The following MRGBP variants were observed in gnomAD, a reference collection of about 807,000 sequenced individuals.
The protein encoded by MRGBP is MRG domain binding protein.
MRGBP carries 5 observed loss-of-function variants against 21.5 expected under a neutral mutation model. The observed-to-expected ratio is 0.23, with a 90% CI of 0.12 to 0.49. The LOEUF (loss-of-function observed/expected upper bound fraction) is 0.49, where lower values mean the gene tolerates loss of function less well. Among genes scored for constraint, MRGBP ranks in the 20% least tolerant of loss-of-function variants. MRGBP has a pLI of 0.98. For synonymous variants in MRGBP, 118 were observed against 104.4 expected (o/e 1.13, Z -0.79); for missense variants, 227 against 277.4 (o/e 0.82, Z 1.29).
At position 62,799,805 on chromosome 20, in the gene MRGBP, G is replaced by A. The variant is rs1418066150; in HGVS notation, c.*162G>A. On this transcript the variant is annotated 3_prime_UTR_variant, in exon 5 of 5. Transcript: ENST00000370487. ...CTCTCAGGTGAACGTGGCCGTCAGC[G>A]GGGAAACGTGTGTGTCAGTTGGACC... 16 of 734,282 alleles carry A rather than the reference G, an allele frequency of 2.2e-5. No homozygotes were observed. The highest frequency in any genetic ancestry group is 1.6e-4 in the East Asian group (6 of 36,688). The allele number at this position is 734,282 out of a possible 1,614,324, so 45.5% of individuals were successfully genotyped here.
At chr20:62,798,552 T>C in intron 2 of MRGBP, 35 bp from the exon 3 acceptor site, 1 of 1,582,658 alleles carries the variant, frequency 6.3e-7, no homozygotes, top group African/African-American at 1.3e-5. Context: ...ATCTTCACCC[T>C]TGTTTCTTAA....
Position 62,800,639 on chromosome 20 carries a change from C to A in MRGBP, c.*996C>A, listed in dbSNP as rs1057061665. On this transcript the variant is annotated 3_prime_UTR_variant, in exon 5 of 5. Coordinates refer to ENST00000370487, the MANE Select transcript of MRGBP (RefSeq NM_018270.6). The stretch of plus-strand genomic sequence containing the variant: ...ATACCAAAGTAAGTTCACTTTTCCT[C>A]CAAAAGGAAGTTTTTATTTTTCCAA... The A allele has an allele frequency of 6.6e-6, 1 of 152,188 alleles. No individual in the cohort carries two copies. The highest frequency in any genetic ancestry group is 1.5e-5 in the Non-Finnish European group (1 of 68,046). 9.4% of individuals were successfully genotyped at this position (152,188 alleles called of 1,614,324 possible).
rs75924758 is a variant in MRGBP, at chr20:62,800,058, T to G, written c.*415T>G. ...AAGCAATAAAAACATGACCTCACTC[T>G]TCCTCAAAGGAGCCCCTGGTCTTCC... On this transcript the variant is annotated 3_prime_UTR_variant, in exon 5 of 5. Transcript: ENST00000370487. 329 of 161,758 alleles carry G rather than the reference T, an allele frequency of 2.0e-3. 3 individuals are homozygous for G. In the East Asian group the frequency reaches 0.034, roughly 17 times the overall value. 10.0% of individuals were successfully genotyped at this position (161,758 alleles called of 1,614,324 possible). A position where few individuals can be genotyped will look rare whatever the true frequency, so the allele number is the denominator to read the frequency against.
At chr20:62,799,104 C>G (rs1022401287) in intron 4 of MRGBP, 55 bp downstream of exon 4, 68 of 1,548,956 alleles carry the variant, frequency 4.4e-5, no homozygotes, top group Non-Finnish European at 5.8e-5. Flanking sequence ...CACCCCAAGA[C>G]TGCCTTCAGG....
chr20:62,798,622 G>A lies in MRGBP; in HGVS notation c.306G>A (p.Glu102=), dbSNP rs1402056522. 6.2e-7 allele frequency: 1 copy of A among 1,613,802 alleles called. No individual in the cohort carries two copies. Among genetic ancestry groups the A allele is most frequent in the South Asian group, 1.1e-5 (1 of 91,068 alleles). Residue 102 remains glutamate (E), a synonymous_variant, in exon 3 of 5, where the codon GAG becomes GAA. Coordinates refer to ENST00000370487, the MANE Select transcript of MRGBP (RefSeq NM_018270.6). ...AGATTCTTCCATTCCCGAATCCAGA[G>A]AGGAACTTCGTCCTTCCAGAAGAGA... is the stretch of plus-strand genomic sequence containing the variant. ...ESEILPFPNP[E]RNFVLPEEII... is the part of the protein sequence containing the mutation.
In MRGBP at chr20:62,800,922, G is replaced by C. The variant is rs1294388094; in HGVS notation, c.*1279G>C. On this transcript the variant is annotated 3_prime_UTR_variant, in exon 5 of 5. Coordinates refer to ENST00000370487, the MANE Select transcript of MRGBP (RefSeq NM_018270.6). ...GAGTGAAATCCAGCGTTCCGTGTGCGGACGAGGAGACAAGCTGTCCTGGCC... is the reference window on the plus strand; with the variant it reads ...GAGTGAAATCCAGCGTTCCGTGTGCCGACGAGGAGACAAGCTGTCCTGGCC... 1 of 152,148 alleles carries C rather than the reference G, an allele frequency of 6.6e-6. No individual in the cohort carries two copies. The allele number at this position is 152,148 out of a possible 1,614,324, so 9.4% of individuals were successfully genotyped here.
Position 62,796,489 on chromosome 20 carries a change from C to A in MRGBP, c.-35C>A. 2 of 1,112,950 alleles carry A rather than the reference C, an allele frequency of 1.8e-6. No individual in the cohort carries two copies. Among genetic ancestry groups the A allele is most frequent in the South Asian group, 4.3e-5 (1 of 23,306 alleles). The allele number at this position is 1,112,950 out of a possible 1,614,324, so 68.9% of individuals were successfully genotyped here. On this transcript the variant is annotated 5_prime_UTR_variant, in exon 1 of 5. Transcript: ENST00000370487. The stretch of plus-strand genomic sequence containing the variant: ...GCGGAGCTCGTGGCCGCGCCTGCTC[C>A]CGCCGGGGGCTCCTTGCTCGGCCGG...
At position 62,799,735 on chromosome 20, in the gene MRGBP, G is replaced by C; in HGVS notation, c.*92G>C. On this transcript the variant is annotated 3_prime_UTR_variant, in exon 5 of 5. Coordinates refer to ENST00000370487, the MANE Select transcript of MRGBP (RefSeq NM_018270.6). ...TCTGAGTGCCACCCCCCAGGCCACA[G>C]TGATACCATCCCAGTGCCATGAGCC... 1 of 1,373,112 alleles carries C rather than the reference G, an allele frequency of 7.3e-7. No homozygotes were observed. The highest frequency in any genetic ancestry group is 9.8e-7 in the Non-Finnish European group (1 of 1,015,344). The allele number at this position is 1,373,112 out of a possible 1,614,324, so 85.1% of individuals were successfully genotyped here. A position where few individuals can be genotyped will look rare whatever the true frequency, so the allele number is the denominator to read the frequency against.
In MRGBP at chr20:62,801,105, G is replaced by A. The variant is rs976141086; in HGVS notation, c.*1462G>A. On this transcript the variant is annotated 3_prime_UTR_variant, in exon 5 of 5. Coordinates refer to ENST00000370487, the MANE Select transcript of MRGBP (RefSeq NM_018270.6). ...CTAAAGGGGCAAAGCCAGGAATCCC[G>A]TGCCATGTGATCGCCCCGTGTGGCA... 6 of 152,262 alleles carry A rather than the reference G, an allele frequency of 3.9e-5. No individual in the cohort carries two copies. Among genetic ancestry groups the A allele is most frequent in the Admixed American group, 6.5e-5 (1 of 15,290 alleles). The allele number at this position is 152,262 out of a possible 1,614,324, so 9.4% of individuals were successfully genotyped here. A position where few individuals can be genotyped will look rare whatever the true frequency, so the allele number is the denominator to read the frequency against.
At position 62,801,158 on chromosome 20, in the gene MRGBP, TGCCAGTTCTGGGGAAGAACA is replaced by T. The variant is rs1481987815; in HGVS notation, c.*1519_*1538del. The T allele has an allele frequency of 1.3e-5, 2 of 152,266 alleles. No homozygotes were observed. Among genetic ancestry groups the T allele is most frequent in the African/African-American group, 4.8e-5 (2 of 41,460 alleles). The allele number at this position is 152,266 out of a possible 1,614,324, so 9.4% of individuals were successfully genotyped here. ...TGCCACTCGTCTGCACCAAACGCAC[TGCCAGTTCTGGGGAAGAACA>T]GCCCAGGGAAGCTGCTGGTCTACGG... On this transcript the variant is annotated 3_prime_UTR_variant, in exon 5 of 5. Coordinates refer to ENST00000370487, the MANE Select transcript of MRGBP (RefSeq NM_018270.6).
intron 3 of MRGBP, 76 bp downstream of exon 3, chr20:62,798,744 G>A: frequency 6.3e-7 from 1 of 1,593,980 alleles, no homozygotes; most frequent in Non-Finnish European, 8.6e-7. Flanking sequence ...GTGAGGGTGA[G>A]GACCCCGGGC....
chr20:62,800,187 G>A lies in MRGBP; in HGVS notation c.*544G>A, dbSNP rs150726996. The A allele has an allele frequency of 9.8e-3, 1,491 of 152,688 alleles. 17 individuals are homozygous for A. The highest frequency in any genetic ancestry group is 0.016 in the Non-Finnish European group (1,089 of 68,200). 9.5% of individuals were successfully genotyped at this position (152,688 alleles called of 1,614,324 possible). On this transcript the variant is annotated 3_prime_UTR_variant, in exon 5 of 5. Transcript: ENST00000370487. ...CTTCCTGTCACCCCCTCCGTGCCAC[G>A]CACTGAAGGCCACCCCCACCCACCT...
At chr20:62,797,346 G>C in intron 2 of MRGBP, 115 bp downstream of exon 2, 2 of 1,375,426 alleles carry the variant, frequency 1.5e-6, no homozygotes, top group Admixed American at 5.9e-5. Context: ...GGGTCTGCTG[G>C]GCAGAGTAGA....
Position 62,796,657 on chromosome 20 carries a change from GC to G in MRGBP, c.136del (p.His46ThrfsTer6). Reference protein sequence around the residue: ...VEVCLFHAMLGHKPVGVNRHF... With the variant: ...VEVCLFHAMLXHKPVGVNRHF... ...GTGTGCCTCTTCCACGCCATGCTGG[GC>G]CACAAGCCCGTCGGTGAGCGCCCAG... is the stretch of plus-strand genomic sequence containing the variant. On this transcript the variant is annotated frameshift_variant, in exon 1 of 5. Transcript: ENST00000370487. LOFTEE classifies it high-confidence loss of function. 2 of 1,327,358 alleles carry G rather than the reference GC, an allele frequency of 1.5e-6. No homozygotes were observed. The highest frequency in any genetic ancestry group is 1.8e-5 in the South Asian group (1 of 55,968). The allele number at this position is 1,327,358 out of a possible 1,614,324, so 82.2% of individuals were successfully genotyped here. A position where few individuals can be genotyped will look rare whatever the true frequency, so the allele number is the denominator to read the frequency against.
At chr20:62,797,035 C>G in intron 1 of MRGBP, 75 bp from the exon 2 acceptor site, 1 of 1,487,478 alleles carries the variant, frequency 6.7e-7, no homozygotes, top group East Asian at 2.5e-5. Flanking sequence ...CCTCCAGTCC[C>G]CAGGGCAGCC....
chr20:62,799,284 T>C (rs1990403887), intron 4 of MRGBP, among the ~76,000 whole-genome samples, 172 bp from the exon 5 acceptor site: 1 of 152,134 alleles, frequency 6.6e-6, no homozygotes, highest in African/African-American at 2.4e-5. Flanking sequence ...AGGCAGGTCC[T>C]CAGGAGGACC....
rs1485220649 is a variant in MRGBP at position 62,796,520 on chromosome 20, G to A, written c.-4G>A. 5.2e-6 allele frequency: 6 copies of A among 1,151,540 alleles called. No individual in the cohort carries two copies. The highest frequency in any genetic ancestry group is 8.2e-5 in the South Asian group (2 of 24,464). The allele number at this position is 1,151,540 out of a possible 1,614,324, so 71.3% of individuals were successfully genotyped here. ...GGGGCTCCTTGCTCGGCCGGGCCGC[G>A]GCCATGGGAGAGGCCGAGGTGGGCG... On this transcript the variant is annotated 5_prime_UTR_variant, in exon 1 of 5. Transcript: ENST00000370487.
intron 4 of MRGBP, 50 bp downstream of exon 4, chr20:62,799,099 C>G (rs1286757847): frequency 6.4e-7 from 1 of 1,557,540 alleles, no homozygotes. Context: ...CTCAGCACCC[C>G]AAGACTGCCT....
chr20:62,798,598 G>T lies in MRGBP; in HGVS notation c.282G>T (p.Glu94Asp), dbSNP rs1330191355. ...CTATTTGATATCAGCATGAGTCTGA[G>T]ATTCTTCCATTCCCGAATCCAGAGA... ...MYDMQALHES[E>D]ILPFPNPERN... The change falls in exon 3 of 5, where the codon GAG becomes GAT. Residue 94 changes from glutamate to aspartate, a missense_variant. By Grantham distance (45) the Glu-to-Asp change is conservative (BLOSUM62 2). This residue lies in a region of MRGBP where 162 missense variants were observed against 227.7 expected (regional missense o/e 0.71). Transcript: ENST00000370487. 1 of 1,613,366 alleles carries T rather than the reference G, an allele frequency of 6.2e-7. No homozygotes were observed. The highest frequency in any genetic ancestry group is 1.3e-5 in the African/African-American group (1 of 74,924).
Sources: allele counts gnomAD v4.1 joint callset (sites outside exome capture counted in the v4.1 genomes callset), GRCh38; gene constraint gnomAD v4.1.1; regional missense constraint gnomAD v4.1.1; transcripts MANE v1.5; gene names NCBI Gene and HGNC (gene_info 2026-07-23, HGNC 2026-07-21).